The following ADAMTS17 variants were observed in gnomAD, a reference collection of about 807,000 sequenced individuals.
ADAMTS17 encodes ADAM metallopeptidase with thrombospondin type 1 motif 17.
ADAMTS17 carries 113 observed loss-of-function variants against 141.5 expected under a neutral mutation model. The ratio of observed to expected loss-of-function variants is 0.80; its 90% CI spans 0.69 to 0.93. The LOEUF (loss-of-function observed/expected upper bound fraction) is 0.93, where lower values mean the gene tolerates loss of function less well. Among genes scored for constraint, ADAMTS17 ranks in the 40% least tolerant of loss-of-function variants. The probability of loss-of-function intolerance (pLI) is 0.00; values close to 1 mark genes in which losing one functional copy is unlikely to be tolerated. For synonymous variants in ADAMTS17, 768 were observed against 630.6 expected, an observed-to-expected ratio of 1.22 and a Z score of -3.27; for missense variants, 1,659 against 1,517.9, an observed-to-expected ratio of 1.09 and a Z score of -1.54.
At position 100,152,707 on chromosome 15, in the gene ADAMTS17, G is replaced by A. The variant is rs763161481; in HGVS notation, c.1378C>T (p.Arg460Cys). ...VTDPRSQHTVRLPHKLPGMHY... is the reference protein window; with the variant it reads ...VTDPRSQHTVCLPHKLPGMHY... ...ATGCCCGGCAGCTTGTGCGGGAGGCGTACTGTGTGCTGGCTTCTGGGGTCC... is the reference window on the plus strand; with the variant it reads ...ATGCCCGGCAGCTTGTGCGGGAGGCATACTGTGTGCTGGCTTCTGGGGTCC... Residue 460 changes from arginine (R) to cysteine (C), a missense_variant, in exon 10 of 22, where the codon CGC (arginine) becomes TGC (cysteine). Arg to Cys is a radical substitution (Grantham distance 180). Coordinates refer to ENST00000268070, the MANE Select transcript of ADAMTS17 (RefSeq NM_139057.4). 9.3e-6 allele frequency: 15 copies of A among 1,614,086 alleles called. No homozygotes were observed. The highest frequency in any genetic ancestry group is 8.8e-5 in the South Asian group (8 of 91,088).
At chr15:100,252,147 G>C (rs959964436) in intron 7 of ADAMTS17, among the ~76,000 whole-genome samples, 2 of 152,148 alleles carry the variant, frequency 1.3e-5, no homozygotes, top group Admixed American at 1.3e-4. Context: ...CACAATTAAT[G>C]GCATATTCCC....
intron 8 of ADAMTS17, among the ~76,000 whole-genome samples, chr15:100,178,928 C>T (rs529188268): frequency 6.6e-6 from 1 of 152,224 alleles, no homozygotes; most frequent in East Asian, 1.9e-4. Context: ...ATTGCTGTTC[C>T]TTTAGAGGCA....
At chr15:99,994,157 C>T (rs537753256) in intron 19 of ADAMTS17, among the ~76,000 whole-genome samples, 1 of 152,286 alleles carries the variant, frequency 6.6e-6, no homozygotes, top group South Asian at 2.1e-4. Flanking sequence ...AACTCACAAA[C>T]AAGTTGGCCC....
At chr15:100,245,224 G>A (rs1396747227) in intron 7 of ADAMTS17, among the ~76,000 whole-genome samples, 1 of 152,178 alleles carries the variant, frequency 6.6e-6, no homozygotes, top group African/African-American at 2.4e-5. Context: ...CTGCCAACCT[G>A]GAAGGGAGGT....
chr15:100,079,972 T>C (rs1033150678), intron 15 of ADAMTS17, among the ~76,000 whole-genome samples: 1 of 152,192 alleles, frequency 6.6e-6, no homozygotes, highest in African/African-American at 2.4e-5. Flanking sequence ...CAATGCCAAC[T>C]AGGTGACAAC....
intron 10 of ADAMTS17, among the ~76,000 whole-genome samples, chr15:100,149,249 G>A (rs1483799723): frequency 1.3e-5 from 2 of 152,230 alleles, no homozygotes; most frequent in Non-Finnish European, 1.5e-5. Context: ...AGGGCAGCAT[G>A]CCCCAAATCC....
chr15:100,340,763 A>G lies in ADAMTS17; in HGVS notation c.450+276T>C, dbSNP rs73485984. Among the ~76,000 whole-genome samples, 18,013 of 119,794 alleles carry G rather than the reference A, an allele frequency of 0.15. 1,534 individuals carry two copies. The highest frequency in any genetic ancestry group is 0.26 in the African/African-American group (9,527 of 36,878). 78.6% of individuals were successfully genotyped at this position (119,794 alleles called of 152,430 possible). A position where few individuals can be genotyped will look rare whatever the true frequency, so the allele number is the denominator to read the frequency against. On this transcript the variant is annotated intron_variant, in intron 2 of 21. Coordinates refer to ENST00000268070, the MANE Select transcript of ADAMTS17 (RefSeq NM_139057.4). ...TCCCTGCCAGATCTGCGCTCCCTAG[A>G]GCGGGCGGCGTATACCCCACGCAAC...
chr15:100,214,919 T>C (rs2041923280), intron 7 of ADAMTS17, among the ~76,000 whole-genome samples: 2 of 152,276 alleles, frequency 1.3e-5, no homozygotes, highest in Admixed American at 1.3e-4. Context: ...AGTTCATTAC[T>C]GCCCTGCAGA....
In ADAMTS17 at chr15:100,322,964, GT is replaced by G. The variant is rs554190643; in HGVS notation, c.616+7924del. Among the ~76,000 whole-genome samples the G allele has an allele frequency of 1.9e-3, 287 of 151,948 alleles. 1 individual carries two copies. The highest frequency in any genetic ancestry group is 6.6e-3 in the African/African-American group (274 of 41,472). On this transcript the variant is annotated intron_variant, in intron 3 of 21. Coordinates refer to ENST00000268070, the MANE Select transcript of ADAMTS17 (RefSeq NM_139057.4). ...TAGCCAGGCGTGGTGGCGGGCACCTGTAGTCCCAGCTACTCAGGAGGCTGAG... is the reference window on the plus strand; with the variant it reads ...TAGCCAGGCGTGGTGGCGGGCACCTGAGTCCCAGCTACTCAGGAGGCTGAG...
At chr15:100,284,371 G>T (rs369977590) in intron 3 of ADAMTS17, among the ~76,000 whole-genome samples, 1 of 152,280 alleles carries the variant, frequency 6.6e-6, no homozygotes, top group African/African-American at 2.4e-5. Context: ...GCACACAGGT[G>T]GGGGGAAATA....
chr15:100,116,978 C>T lies in ADAMTS17; in HGVS notation c.1757G>A (p.Ser586Asn), dbSNP rs1373511081. 1 of 1,613,692 alleles carries T rather than the reference C, an allele frequency of 6.2e-7. No homozygotes were observed. Among genetic ancestry groups the T allele is most frequent in the Non-Finnish European group, 8.5e-7 (1 of 1,179,886 alleles). The change falls in exon 13 of 22, where the codon AGT becomes AAT. Residue 586 changes from serine to asparagine, a missense_variant. Transcript: ENST00000268070. ...GPGGTHCPGA[S>N]VEHAVCENLP... Reference sequence around the variant, plus strand: ...GTTCTCGCAGACCGCATGTTCTACACTGGCACCCGGGCAGTGTGTGCCTCC... The same window carrying T: ...GTTCTCGCAGACCGCATGTTCTACATTGGCACCCGGGCAGTGTGTGCCTCC...
intron 13 of ADAMTS17, among the ~76,000 whole-genome samples, chr15:100,111,516 T>C (rs1434380610): frequency 6.6e-6 from 1 of 152,224 alleles, no homozygotes. Flanking sequence ...TCCCCAAGCA[T>C]CTTGTGGAGC....
At chr15:100,163,581 C>T (rs1389623472) in intron 8 of ADAMTS17, among the ~76,000 whole-genome samples, 2 of 152,160 alleles carry the variant, frequency 1.3e-5, no homozygotes, top group South Asian at 2.1e-4. Flanking sequence ...AAACTCCTGG[C>T]CTCAAGTGAT....
intron 7 of ADAMTS17, among the ~76,000 whole-genome samples, chr15:100,233,396 G>A (rs1056269635): frequency 6.6e-6 from 1 of 151,832 alleles, no homozygotes; most frequent in Non-Finnish European, 1.5e-5. Flanking sequence ...TTTTTAAGAT[G>A]GTCAACAGGA....
At chr15:100,203,228 C>G (rs1238395537) in intron 7 of ADAMTS17, among the ~76,000 whole-genome samples, 1 of 152,114 alleles carries the variant, frequency 6.6e-6, no homozygotes, top group East Asian at 1.9e-4. Context: ...TCTACTATAC[C>G]CCTGACAACA....
rs563082262 is a variant in ADAMTS17 at position 100,228,894 on chromosome 15, C to A, written c.1075+25242G>T. 3.9e-5 allele frequency among the ~76,000 whole-genome samples: 6 copies of A among 152,324 alleles called. No homozygotes were observed. In the South Asian group the frequency reaches 8.3e-4, roughly 21 times the overall value. ...GGTGGGCTCACCACCCACAGTGTCACCTGCCTCTACGAGGGGGCCATTGCC... is the reference window on the plus strand; with the variant it reads ...GGTGGGCTCACCACCCACAGTGTCAACTGCCTCTACGAGGGGGCCATTGCC... On this transcript the variant is annotated intron_variant, in intron 7 of 21. Transcript: ENST00000268070.
chr15:100,226,301 CCACA>C (rs2042312161), intron 7 of ADAMTS17, among the ~76,000 whole-genome samples: 1 of 152,226 alleles, frequency 6.6e-6, no homozygotes, highest in South Asian at 2.1e-4. Flanking sequence ...CCCAGGGAGG[CCACA>C]GACTACCCAG....
intron 18 of ADAMTS17, among the ~76,000 whole-genome samples, chr15:100,047,286 C>T (rs2031780298): frequency 7.6e-6 from 1 of 131,506 alleles, no homozygotes; most frequent in Non-Finnish European, 1.6e-5. Flanking sequence ...TCGCCCCGGT[C>T]CTGTGGTCCT....
At chr15:99,991,086 A>G (rs2060681226) in intron 20 of ADAMTS17, among the ~76,000 whole-genome samples, 1 of 152,228 alleles carries the variant, frequency 6.6e-6, no homozygotes, top group South Asian at 2.1e-4. Flanking sequence ...AAACCTAGGC[A>G]ATACCACTCA....
Sources: gnomAD v4.1 joint callset for allele counts (sites outside exome capture counted in the v4.1 genomes callset) on GRCh38, gnomAD v4.1.1 for gene constraint, MANE v1.5 for transcripts, NCBI Gene and HGNC (gene_info 2026-07-23, HGNC 2026-07-21) for gene names.